Variants in TSTD2 observed in about 807,000 individuals in gnomAD.
The protein encoded by TSTD2 is thiosulfate sulfurtransferase/rhodanese-like domain-containing protein 2.
TSTD2 carries 37 observed loss-of-function variants against 47.9 expected under a neutral mutation model. The ratio of observed to expected loss-of-function variants is 0.77; its 90% CI spans 0.59 to 1.02. TSTD2 has a LOEUF of 1.02. Among genes scored for constraint, TSTD2 ranks in the 50% least tolerant of loss-of-function variants. TSTD2 has a pLI of 0.00. For synonymous variants in TSTD2, 201 were observed against 215.9 expected (o/e 0.93, Z 0.61); for missense variants, 586 against 616.0 (o/e 0.95, Z 0.52).
intron 7 of TSTD2, 60 bp from the exon 8 acceptor site, chr9:97,605,701 G>C: frequency 6.2e-7 from 1 of 1,606,386 alleles, no homozygotes; most frequent in African/African-American, 1.3e-5. Flanking sequence ...TAGGAACAAA[G>C]GTTCTTTTTG....
chr9:97,601,349 G>C lies in TSTD2; in HGVS notation c.*1120C>G, dbSNP rs1402575772. 5.3e-6 allele frequency: 6 copies of C among 1,137,262 alleles called. No homozygotes were observed. Among genetic ancestry groups the C allele is most frequent in the Non-Finnish European group, 6.6e-6 (6 of 912,816 alleles). 70.4% of individuals were successfully genotyped at this position (1,137,262 alleles called of 1,614,324 possible). ...GGCAGCCACCATGGCAGTGCTGGAT[G>C]ACCTCAGTAAGAATGTGTCATGTAT... On this transcript the variant is annotated 3_prime_UTR_variant, in exon 10 of 10. Transcript: ENST00000341170.
At chr9:97,623,205 C>G (rs1167163126) in intron 3 of TSTD2, among the ~76,000 whole-genome samples, 2 of 152,288 alleles carry the variant, frequency 1.3e-5, no homozygotes, top group East Asian at 3.9e-4. Context: ...TAGTAAGTCT[C>G]ACAAGATCTG....
Position 97,601,062 on chromosome 9 carries a change from T to C in TSTD2, c.*1407A>G, listed in dbSNP as rs1160601868. The C allele has an allele frequency of 7.7e-7, 1 of 1,304,084 alleles. No individual in the cohort carries two copies. Among genetic ancestry groups the C allele is most frequent in the Non-Finnish European group, 1.0e-6 (1 of 988,938 alleles). 80.8% of individuals were successfully genotyped at this position (1,304,084 alleles called of 1,614,324 possible). A position where few individuals can be genotyped will look rare whatever the true frequency, so the allele number is the denominator to read the frequency against. ...CACTGAACTGTAAGGCAGTGGGCAG[T>C]ACAGGGTAACTGGAGGCGGGGCCAG... On this transcript the variant is annotated 3_prime_UTR_variant, in exon 10 of 10. Coordinates refer to ENST00000341170, the MANE Select transcript of TSTD2 (RefSeq NM_139246.5).
At chr9:97,604,569 C>G in intron 9 of TSTD2, 158 bp downstream of exon 9, 1 of 1,156,996 alleles carries the variant, frequency 8.6e-7, no homozygotes. Flanking sequence ...TCTCTCAGCT[C>G]CACAGCTGGG....
chr9:97,626,608 A>G (rs1289284196), intron 2 of TSTD2, among the ~76,000 whole-genome samples: 1 of 152,236 alleles, frequency 6.6e-6, no homozygotes, highest in African/African-American at 2.4e-5. Context: ...TCTCTTAACC[A>G]GTTACCAACT....
chr9:97,602,827 C>G (rs747539503), intron 9 of TSTD2, 60 bp from the exon 10 acceptor site: 27 of 1,500,530 alleles, frequency 1.8e-5, no homozygotes, highest in Middle Eastern at 3.6e-4. Flanking sequence ...CGTGGACAGG[C>G]ATTGCTCCCT....
At chr9:97,610,847 C>G (rs941961854) in intron 5 of TSTD2, 1 of 153,598 alleles carries the variant, frequency 6.5e-6, no homozygotes, top group Admixed American at 6.5e-5. Context: ...AGCAGCCCAC[C>G]TGTGAGAGCA....
rs979396114 is a variant in TSTD2 at position 97,601,169 on chromosome 9, A to C, written c.*1300T>G. On this transcript the variant is annotated 3_prime_UTR_variant, in exon 10 of 10. Transcript: ENST00000341170. ...CCATGTTGCAGGGACAACCATCCCC[A>C]TTTGGCTTCTCCTTAAAACACAATT... The C allele has an allele frequency of 1.5e-6, 2 of 1,300,514 alleles. No homozygotes were observed. The highest frequency in any genetic ancestry group is 3.0e-5 in the African/African-American group (2 of 65,688). 80.6% of individuals were successfully genotyped at this position (1,300,514 alleles called of 1,614,324 possible).
intron 2 of TSTD2, among the ~76,000 whole-genome samples, chr9:97,626,924 ATT>A (rs35269035): frequency 0.12 from 17,934 of 150,554 alleles, 2,993 homozygotes; most frequent in African/African-American, 0.37. Context: ...ATGCTACCCT[ATT>A]TTTTTTTTTA....
rs546754145 is a variant in TSTD2 at position 97,601,483 on chromosome 9, A to G, written c.*986T>C. On this transcript the variant is annotated 3_prime_UTR_variant, in exon 10 of 10. Transcript: ENST00000341170. ...AGTAAGTGCTGGGGAAAGCAGAGCT[A>G]TCAGAGGAAATCTCTCATAGAAACG... 2.3e-5 allele frequency: 23 copies of G among 992,974 alleles called. No homozygotes were observed. Among genetic ancestry groups the G allele is most frequent in the African/African-American group, 5.2e-5 (3 of 57,500 alleles). The allele number at this position is 992,974 out of a possible 1,614,324, so 61.5% of individuals were successfully genotyped here. A position where few individuals can be genotyped will look rare whatever the true frequency, so the allele number is the denominator to read the frequency against.
At position 97,602,358 on chromosome 9, in the gene TSTD2, C is replaced by CGTATCATTA; in HGVS notation, c.*110_*111insTAATGATAC. The CGTATCATTA allele has an allele frequency of 7.5e-7, 1 of 1,336,124 alleles. No individual in the cohort carries two copies. The highest frequency in any genetic ancestry group is 1.0e-6 in the Non-Finnish European group (1 of 1,002,412). The allele number at this position is 1,336,124 out of a possible 1,614,324, so 82.8% of individuals were successfully genotyped here. A position where few individuals can be genotyped will look rare whatever the true frequency, so the allele number is the denominator to read the frequency against. ...AGACGGCTGCCACGGTGGCAGCGGC[C>CGTATCATTA]AGAACTGAAGTTCCCGATTTCTCTG... On this transcript the variant is annotated 3_prime_UTR_variant, in exon 10 of 10. Coordinates refer to ENST00000341170, the MANE Select transcript of TSTD2 (RefSeq NM_139246.5).
intron 9 of TSTD2, among the ~76,000 whole-genome samples, chr9:97,603,639 G>A (rs1298523776): frequency 6.6e-6 from 1 of 152,182 alleles, no homozygotes; most frequent in Non-Finnish European, 1.5e-5. Flanking sequence ...AGAGCTATGA[G>A]TTCCTAAAAT....
intron 6 of TSTD2, among the ~76,000 whole-genome samples, chr9:97,606,899 GAGAA>G (rs138799794): frequency 0.014 from 2,124 of 152,234 alleles, 101 homozygotes; most frequent in East Asian, 0.13. Flanking sequence ...AACGACATAT[GAGAA>G]AGAAAGTAAA....
At chr9:97,611,064 T>G (rs1035129924) in intron 5 of TSTD2, 1 of 153,532 alleles carries the variant, frequency 6.5e-6, no homozygotes, top group Non-Finnish European at 1.5e-5. Context: ...CAAAATCATA[T>G]GGTGACTCAG....
chr9:97,605,773 G>C, intron 7 of TSTD2, 132 bp from the exon 8 acceptor site: 1 of 1,197,788 alleles, frequency 8.3e-7, no homozygotes, highest in Non-Finnish European at 1.2e-6. Flanking sequence ...TCCCCACTCT[G>C]ACCTTTCAAC....
intron 3 of TSTD2, among the ~76,000 whole-genome samples, chr9:97,618,095 AG>A (rs1826575355): frequency 6.6e-6 from 1 of 152,208 alleles, no homozygotes; most frequent in Non-Finnish European, 1.5e-5. Flanking sequence ...CTTTACAAAA[AG>A]TGAGTTTACT....
In TSTD2 at chr9:97,615,700, C is replaced by T. The variant is rs1334232472; in HGVS notation, c.603+2057G>A. 2.0e-5 allele frequency among the ~76,000 whole-genome samples: 3 copies of T among 152,158 alleles called. No homozygotes were observed. The East Asian group carries it at 5.8e-4, about 29-fold the overall frequency. On this transcript the variant is annotated intron_variant, in intron 4 of 9. Coordinates refer to ENST00000341170, the MANE Select transcript of TSTD2 (RefSeq NM_139246.5). ...TGCTGCCACCTTGTGGGTAAGATCC[C>T]TCATTGCTAATTTAGCACTTGGGTT...
At chr9:97,616,813 A>C (rs1175856868) in intron 4 of TSTD2, among the ~76,000 whole-genome samples, 1 of 152,254 alleles carries the variant, frequency 6.6e-6, no homozygotes, top group East Asian at 1.9e-4. Context: ...GCATGTGTAT[A>C]ATGTAATCAG....
At chr9:97,627,053 C>T (rs62560500) in intron 2 of TSTD2, among the ~76,000 whole-genome samples, 3,232 of 152,170 alleles carry the variant, frequency 0.021, 53 homozygotes, top group Non-Finnish European at 0.032. Context: ...TATCTTCTTA[C>T]TGATACGTGT....
Sources: allele counts gnomAD v4.1 joint callset (sites outside exome capture counted in the v4.1 genomes callset), GRCh38; gene constraint gnomAD v4.1.1; transcripts MANE v1.5; gene names NCBI Gene and HGNC (gene_info 2026-07-23, HGNC 2026-07-21).